Variants in TMEM117 observed in about 807,000 individuals in gnomAD.
TMEM117 encodes transmembrane protein 117.
In TMEM117, 27 loss-of-function variants were observed where a neutral mutation model predicts 52.4. The ratio of observed to expected loss-of-function variants is 0.51; its 90% CI spans 0.38 to 0.71. The LOEUF (loss-of-function observed/expected upper bound fraction) is 0.71, where lower values mean the gene tolerates loss of function less well. Ranked by LOEUF, TMEM117 falls within the 30% of genes least tolerant of loss-of-function variation. TMEM117 has a pLI of 0.00. For missense variants in TMEM117, 556 were observed against 630.5 expected (o/e 0.88, Z 1.26); for synonymous variants, 215 against 206.3 (o/e 1.04, Z -0.36).
intron 5 of TMEM117, among the ~76,000 whole-genome samples, chr12:44,272,318 A>G (rs1216709377): frequency 6.6e-6 from 1 of 152,036 alleles, no homozygotes; most frequent in African/African-American, 2.4e-5. Context: ...AGACATTTAA[A>G]GAACTAATAC....
chr12:43,964,549 T>TTGAC (rs1283713722), intron 3 of TMEM117, among the ~76,000 whole-genome samples: 1 of 152,238 alleles, frequency 6.6e-6, no homozygotes, highest in Non-Finnish European at 1.5e-5. Context: ...CATCTATGGC[T>TTGAC]TGACATAAAA....
the TMEM117 span, chr12:43,796,933 A>G: frequency 6.3e-7 from 1 of 1,588,442 alleles, no homozygotes; most frequent in African/African-American, 1.4e-5. Context: ...AAATGAAAAG[A>G]AAAATTTAGC....
downstream of TMEM117, among the ~76,000 whole-genome samples, chr12:44,394,463 G>A (rs1470415509): frequency 1.3e-5 from 2 of 152,168 alleles, no homozygotes; most frequent in South Asian, 2.1e-4. Context: ...CCTGTTGGTT[G>A]CTTTGAACTC....
intron 3 of TMEM117, among the ~76,000 whole-genome samples, chr12:44,077,020 C>A (rs1947393535): frequency 6.6e-6 from 1 of 152,130 alleles, no homozygotes; most frequent in Admixed American, 6.6e-5. Context: ...AGTGTTTTTG[C>A]TTCTACCAGC....
chr12:44,027,127 A>G, intron 3 of TMEM117, among the ~76,000 whole-genome samples: 1 of 139,950 alleles, frequency 7.1e-6, no homozygotes, highest in Non-Finnish European at 1.5e-5. Context: ...TTATTATTTT[A>G]TTTTATATTT....
At chr12:44,184,821 A>G (rs549366797) in intron 4 of TMEM117, among the ~76,000 whole-genome samples, 3 of 152,306 alleles carry the variant, frequency 2.0e-5, no homozygotes, top group African/African-American at 7.2e-5. Flanking sequence ...TAGAAAATGC[A>G]TGTTGTTTTA....
At chr12:43,922,632 G>T (rs1209945023) in intron 2 of TMEM117, among the ~76,000 whole-genome samples, 1 of 152,082 alleles carries the variant, frequency 6.6e-6, no homozygotes, top group Non-Finnish European at 1.5e-5. Flanking sequence ...GTTATAGTTT[G>T]CTAACTTTAC....
At chr12:44,305,556 G>T (rs1950893555) in intron 6 of TMEM117, among the ~76,000 whole-genome samples, 1 of 150,642 alleles carries the variant, frequency 6.6e-6, no homozygotes, top group African/African-American at 2.4e-5. Flanking sequence ...ATGAAAAAAT[G>T]CTCATCATCA....
chr12:43,992,006 T>C (rs546878228), intron 3 of TMEM117, among the ~76,000 whole-genome samples: 1 of 151,904 alleles, frequency 6.6e-6, no homozygotes, highest in African/African-American at 2.4e-5. Flanking sequence ...CCAAAAAATA[T>C]ACAAAAATTA....
intron 3 of TMEM117, among the ~76,000 whole-genome samples, chr12:44,134,491 A>G (rs954875450): frequency 2.6e-5 from 4 of 152,192 alleles, no homozygotes; most frequent in Non-Finnish European, 4.4e-5. Context: ...GGGGAGTGCT[A>G]TTCTAAATTT....
At position 43,880,161 on chromosome 12, in the gene TMEM117, T is replaced by C. The variant is rs114272639; in HGVS notation, c.277+35233T>C. Among the ~76,000 whole-genome samples the C allele has an allele frequency of 7.6e-3, 1,153 of 152,284 alleles. 13 individuals carry two copies. The highest frequency in any genetic ancestry group is 0.025 in the African/African-American group (1,051 of 41,566). On this transcript the variant is annotated intron_variant, in intron 2 of 7. Coordinates refer to ENST00000266534, the MANE Select transcript of TMEM117 (RefSeq NM_032256.3). ...TAAAGTAATAATGCCTGTCCTCAATTCTACGAATTTATGAAGATCAAATAG... is the reference window on the plus strand; with the variant it reads ...TAAAGTAATAATGCCTGTCCTCAATCCTACGAATTTATGAAGATCAAATAG...
chr12:44,290,235 C>G (rs1300319664), intron 5 of TMEM117, among the ~76,000 whole-genome samples: 2 of 151,204 alleles, frequency 1.3e-5, no homozygotes, highest in African/African-American at 4.9e-5. Flanking sequence ...TGATGTTATC[C>G]CGTTTGCTTA....
chr12:44,387,886 C>A, intron 7 of TMEM117, 140 bp from the exon 8 acceptor site: 1 of 803,166 alleles, frequency 1.2e-6, no homozygotes, highest in Non-Finnish European at 1.9e-6. Flanking sequence ...GGCAGCACAG[C>A]ACTCTCAAAA....
At chr12:43,797,571 T>C in the TMEM117 span, 47 of 1,405,296 alleles carry the variant, frequency 3.3e-5, 1 homozygote, top group South Asian at 6.4e-4. Context: ...TTTGACTTTT[T>C]CACAATGAAC....
chr12:43,905,306 A>G (rs1181298513), intron 2 of TMEM117, among the ~76,000 whole-genome samples: 2 of 152,114 alleles, frequency 1.3e-5, no homozygotes, highest in Non-Finnish European at 2.9e-5. Flanking sequence ...AGAATACTTG[A>G]GTATTCTTTC....
chr12:43,988,807 G>A (rs980665912), intron 3 of TMEM117, among the ~76,000 whole-genome samples: 22 of 152,172 alleles, frequency 1.4e-4, no homozygotes, highest in Middle Eastern at 3.4e-3. Context: ...CTGAATGATC[G>A]TTGGTATTTT....
chr12:44,175,496 C>T (rs1290529823), intron 4 of TMEM117, among the ~76,000 whole-genome samples: 1 of 152,018 alleles, frequency 6.6e-6, no homozygotes, highest in African/African-American at 2.4e-5. Context: ...AAGGGGTGAA[C>T]TAGATCAGCT....
intron 7 of TMEM117, among the ~76,000 whole-genome samples, chr12:44,382,166 G>T (rs960454247): frequency 8.5e-5 from 13 of 152,136 alleles, no homozygotes; most frequent in African/African-American, 2.9e-4. Flanking sequence ...CCCATGGCCT[G>T]TCAGTTCTTG....
At chr12:43,988,466 T>C (rs1945883762) in intron 3 of TMEM117, among the ~76,000 whole-genome samples, 1 of 152,186 alleles carries the variant, frequency 6.6e-6, no homozygotes, top group African/African-American at 2.4e-5. Flanking sequence ...GGTAGTGCTT[T>C]ATTTCTTCTC....
Sources: gnomAD v4.1 joint callset for allele counts (sites outside exome capture counted in the v4.1 genomes callset) on GRCh38, gnomAD v4.1.1 for gene constraint, MANE v1.5 for transcripts, NCBI Gene and HGNC (gene_info 2026-07-23, HGNC 2026-07-21) for gene names.